HIP1: variants seen among roughly 807,000 people sequenced by gnomAD.
The protein encoded by HIP1 is huntingtin interacting protein 1.
In HIP1, 65 loss-of-function variants were observed where a neutral mutation model predicts 147.6. The observed-to-expected ratio is 0.44, with a 90% CI of 0.36 to 0.54. The LOEUF (loss-of-function observed/expected upper bound fraction) is 0.54. Among genes scored for constraint, HIP1 ranks in the 20% least tolerant of loss-of-function variants. The probability of loss-of-function intolerance (pLI) is 0.00; values close to 1 mark genes in which losing one functional copy is unlikely to be tolerated. For missense variants in HIP1, 1,061 were observed against 1,299.6 expected, an observed-to-expected ratio of 0.82 and a Z score of 2.82; for synonymous variants, 479 against 504.0, an observed-to-expected ratio of 0.95 and a Z score of 0.67.
At chr7:75,606,037 CG>C (rs1168492178) in intron 1 of HIP1, among the ~76,000 whole-genome samples, 7 of 151,938 alleles carry the variant, frequency 4.6e-5, no homozygotes, top group African/African-American at 1.7e-4. Flanking sequence ...TAAATAGAGA[CG>C]GGGTCTCATT....
chr7:75,550,701 A>G (rs1554491938), intron 22 of HIP1, among the ~76,000 whole-genome samples: 1 of 152,130 alleles, frequency 6.6e-6, no homozygotes, highest in East Asian at 1.9e-4. Flanking sequence ...GACATGTGCC[A>G]CTATGCCTGG....
chr7:75,694,858 T>C (rs998966600), intron 1 of HIP1, among the ~76,000 whole-genome samples: 2 of 152,044 alleles, frequency 1.3e-5, no homozygotes, highest in Non-Finnish European at 1.5e-5. Context: ...TTTCCAACTT[T>C]TGGCTTTCTT....
At chr7:75,616,714 C>T (rs1467710911) in intron 1 of HIP1, among the ~76,000 whole-genome samples, 3 of 152,048 alleles carry the variant, frequency 2.0e-5, no homozygotes, top group Non-Finnish European at 4.4e-5. Context: ...GTTTGCTGGC[C>T]CCTGGACTAG....
At chr7:75,555,241 T>C (rs1387572226) in intron 19 of HIP1, among the ~76,000 whole-genome samples, 175 bp downstream of exon 19, 1 of 137,030 alleles carries the variant, frequency 7.3e-6, no homozygotes, top group African/African-American at 2.6e-5. Context: ...TAGGCACTAA[T>C]GCACAGAGTT....
intron 1 of HIP1, among the ~76,000 whole-genome samples, chr7:75,663,394 G>T: frequency 6.6e-6 from 1 of 152,154 alleles, no homozygotes; most frequent in East Asian, 1.9e-4. Flanking sequence ...AACCTAGGCA[G>T]TCAAGGCTGC....
intron 1 of HIP1, among the ~76,000 whole-genome samples, chr7:75,670,845 C>T (rs1188882955): frequency 7.4e-6 from 1 of 134,726 alleles, no homozygotes; most frequent in East Asian, 2.3e-4. Flanking sequence ...TGGTCTCAAA[C>T]TCTTCGGCTT....
In HIP1 at chr7:75,738,828, C is replaced by G; in HGVS notation, c.93G>C (p.Ala31=). ...GAGTCCGCTCGAAGCTCTCGCGCTC[C>G]GCCGCCTCCAGCCCAGCGCCGACCC... The part of the protein sequence containing the change: ...RRGVGAGLEA[A]ERESFERTQT... The change falls in exon 1 of 31, where the codon GCG becomes GCC. Residue 31 remains alanine, a synonymous_variant. Transcript: ENST00000336926. The G allele has an allele frequency of 6.3e-7, 1 of 1,599,114 alleles. No individual in the cohort carries two copies. The highest frequency in any genetic ancestry group is 8.5e-7 in the Non-Finnish European group (1 of 1,174,708).
At chr7:75,573,926 A>C in intron 7 of HIP1, 25 bp from the exon 8 acceptor site, 1 of 1,600,460 alleles carries the variant, frequency 6.2e-7, no homozygotes, top group East Asian at 2.2e-5. Context: ...TGAGGGAGAA[A>C]GGTGGTAGAG....
chr7:75,569,362 G>A (rs1795526169), intron 8 of HIP1, among the ~76,000 whole-genome samples: 1 of 152,114 alleles, frequency 6.6e-6, no homozygotes, highest in African/African-American at 2.4e-5. Context: ...CCAGCACTTT[G>A]GGAGGCTGAG....
At chr7:75,640,589 C>T (rs1203886706) in intron 1 of HIP1, among the ~76,000 whole-genome samples, 2 of 151,930 alleles carry the variant, frequency 1.3e-5, no homozygotes, top group East Asian at 3.9e-4. Context: ...CCCGTCTCTA[C>T]TAAAAATACA....
At chr7:75,697,175 C>T (rs112959001) in intron 1 of HIP1, among the ~76,000 whole-genome samples, 1,605 of 152,234 alleles carry the variant, frequency 0.011, 38 homozygotes, top group African/African-American at 0.036. Context: ...CCTGCAAGGT[C>T]GTCTTTATCG....
At chr7:75,559,938 A>T (rs1554494266) in intron 13 of HIP1, 23 bp from the exon 14 acceptor site, 2 of 1,568,630 alleles carry the variant, frequency 1.3e-6, no homozygotes, top group Non-Finnish European at 1.7e-6. Flanking sequence ...TCCGGTCATG[A>T]GGCCAACCGC....
chr7:75,556,939 C>A (rs1431485334), intron 16 of HIP1, 128 bp from the exon 17 acceptor site: 14 of 577,390 alleles, frequency 2.4e-5, no homozygotes, highest in East Asian at 5.8e-5. Context: ...TACACCCCCC[C>A]AAAAAAGTGC....
chr7:75,557,541 G>A, intron 16 of HIP1, 113 bp downstream of exon 16: 1 of 772,610 alleles, frequency 1.3e-6, no homozygotes, highest in Non-Finnish European at 2.3e-6. Flanking sequence ...GCTCCCTGCT[G>A]TGTGATGCCA....
At chr7:75,649,837 T>G (rs944645996) in intron 1 of HIP1, among the ~76,000 whole-genome samples, 10 of 152,136 alleles carry the variant, frequency 6.6e-5, no homozygotes, top group African/African-American at 2.4e-4. Flanking sequence ...GAATTTTCCA[T>G]CCCTTGGCCA....
chr7:75,649,149 C>T (rs190882550), intron 1 of HIP1, among the ~76,000 whole-genome samples: 3 of 152,036 alleles, frequency 2.0e-5, no homozygotes, highest in East Asian at 1.9e-4. Context: ...CTCATCCTCC[C>T]GAGTAGCTGG....
At position 75,568,930 on chromosome 7, in the gene HIP1, A is replaced by C. The variant is rs1554496052; in HGVS notation, c.746-674T>G. ...AGGCTGAGGCAGGAGAATTGCTTGA[A>C]CCCAGCAGGCGGAAGTTGCAGTGAG... On this transcript the variant is annotated intron_variant, in intron 8 of 30. Transcript: ENST00000336926. The surrounding 1 kb of genome is among the most constrained non-coding windows in gnomAD (Gnocchi z 4.1). 6.6e-6 allele frequency among the ~76,000 whole-genome samples: 1 copy of C among 152,102 alleles called. No homozygotes were observed. Among genetic ancestry groups the C allele is most frequent in the Non-Finnish European group, 1.5e-5 (1 of 68,014 alleles).
At chr7:75,666,178 T>A (rs1799555047) in intron 1 of HIP1, among the ~76,000 whole-genome samples, 1 of 114,058 alleles carries the variant, frequency 8.8e-6, no homozygotes, top group South Asian at 2.9e-4. Flanking sequence ...ATTAATTTTA[T>A]TTTTTTTTGA....
chr7:75,699,824 A>G (rs377490318), intron 1 of HIP1, among the ~76,000 whole-genome samples: 1 of 151,538 alleles, frequency 6.6e-6, no homozygotes, highest in African/African-American at 2.4e-5. Context: ...GACCAACCAC[A>G]AGCTGTGCAG....
Sources: allele counts gnomAD v4.1 joint callset (sites outside exome capture counted in the v4.1 genomes callset), GRCh38; gene constraint gnomAD v4.1.1; non-coding constraint Gnocchi (gnomAD v3.1); transcripts MANE v1.5; gene names NCBI Gene and HGNC (gene_info 2026-07-23, HGNC 2026-07-21).